The following MAST4 variants were observed in gnomAD, a reference collection of about 807,000 sequenced individuals.
MAST4 encodes microtubule associated serine/threonine kinase family member 4, also known as microtubule-associated serine/threonine-protein kinase 4.
Under a neutral mutation model 162.7 loss-of-function variants are expected in MAST4, and 89 were observed. That is an observed-to-expected ratio of 0.55 (90% CI 0.46 to 0.65). The LOEUF (loss-of-function observed/expected upper bound fraction) is 0.65. Among genes scored for constraint, MAST4 ranks in the 30% least tolerant of loss-of-function variants. The pLI is 0.00. For missense variants in MAST4, 3,153 were observed against 3,374.0 expected, an observed-to-expected ratio of 0.93 and a Z score of 1.62; for synonymous variants, 1,479 against 1,361.1, an observed-to-expected ratio of 1.09 and a Z score of -1.91.
chr5:66,868,255 A>G (rs1760670190), intron 3 of MAST4, among the ~76,000 whole-genome samples: 2 of 152,104 alleles, frequency 1.3e-5, no homozygotes, highest in Admixed American at 1.3e-4. Context: ...ATAGGGAAAG[A>G]AAAATATTTT....
intron 3 of MAST4, among the ~76,000 whole-genome samples, chr5:66,823,793 C>G (rs1435099314): frequency 6.6e-6 from 1 of 152,072 alleles, no homozygotes; most frequent in Non-Finnish European, 1.5e-5. Context: ...TGGTGCCCGG[C>G]CGGCCATTGT....
At chr5:66,839,134 A>G (rs1758241581) in intron 3 of MAST4, among the ~76,000 whole-genome samples, 1 of 152,144 alleles carries the variant, frequency 6.6e-6, no homozygotes, top group Admixed American at 6.6e-5. Context: ...ATGGTTGGCA[A>G]AAGAGAGATG....
At chr5:66,788,608 A>G (rs1415924420) in intron 2 of MAST4, 62 bp from the exon 3 acceptor site, 5 of 228,010 alleles carry the variant, frequency 2.2e-5, no homozygotes, top group Admixed American at 1.4e-4. Flanking sequence ...CCCCACCCCC[A>G]TTGCAATAAG....
chr5:67,081,809 A>G (rs546340744), intron 5 of MAST4, among the ~76,000 whole-genome samples: 2 of 152,348 alleles, frequency 1.3e-5, no homozygotes, highest in East Asian at 3.9e-4. Context: ...CCCAGACATT[A>G]TATGGAAAGC....
At chr5:67,020,372 C>T (rs1753818498) in intron 4 of MAST4, among the ~76,000 whole-genome samples, 1 of 152,190 alleles carries the variant, frequency 6.6e-6, no homozygotes, top group African/African-American at 2.4e-5. Context: ...ACATTATATC[C>T]TTCCAACAAT....
At chr5:66,953,510 C>A (rs962247079) in intron 4 of MAST4, among the ~76,000 whole-genome samples, 2 of 151,900 alleles carry the variant, frequency 1.3e-5, no homozygotes, top group African/African-American at 2.4e-5. Context: ...GGCATGGAGA[C>A]CCTGATAATT....
chr5:66,876,724 G>A lies in MAST4; in HGVS notation c.643-23227G>A, dbSNP rs548305858. Among the ~76,000 whole-genome samples the A allele has an allele frequency of 7.5e-4, 114 of 152,306 alleles. 1 individual carries two copies. Among genetic ancestry groups the A allele is most frequent in the Non-Finnish European group, 1.4e-3 (94 of 68,034 alleles). On this transcript the variant is annotated intron_variant, in intron 3 of 28. Transcript: ENST00000403625. ...ATGACCCAGCGGCCTCAATCCTAAA[G>A]AGGGCATGTTTGTATGAGGCGTGTA...
chr5:66,817,952 T>C (rs887849183), intron 3 of MAST4, among the ~76,000 whole-genome samples: 2 of 152,176 alleles, frequency 1.3e-5, no homozygotes, highest in African/African-American at 2.4e-5. Context: ...TTAAATCAAC[T>C]TCCAGAAGGA....
chr5:67,049,205 C>G (rs886629153), intron 4 of MAST4, among the ~76,000 whole-genome samples: 1 of 151,054 alleles, frequency 6.6e-6, no homozygotes, highest in African/African-American at 2.4e-5. Flanking sequence ...TTTCTAGTTT[C>G]TATATCTTTT....
chr5:66,828,824 C>T (rs768208536), intron 3 of MAST4: 32 of 1,604,878 alleles, frequency 2.0e-5, no homozygotes, highest in Non-Finnish European at 1.6e-5. Context: ...GTGAGAGGCT[C>T]AGAGAAAGCA....
intron 1 of MAST4, among the ~76,000 whole-genome samples, chr5:66,649,679 C>A (rs1561237505): frequency 1.3e-5 from 2 of 152,152 alleles, no homozygotes; most frequent in African/African-American, 2.4e-5. Context: ...AACACCCTGC[C>A]TTTGTTCTTT....
chr5:66,643,480 C>T (rs1745618168), intron 1 of MAST4, among the ~76,000 whole-genome samples: 1 of 152,120 alleles, frequency 6.6e-6, no homozygotes, highest in Middle Eastern at 3.2e-3. Flanking sequence ...CAGTTTAAAA[C>T]TGAAAGTAAA....
chr5:67,049,844 T>G (rs1221908785), intron 4 of MAST4, among the ~76,000 whole-genome samples: 1 of 152,210 alleles, frequency 6.6e-6, no homozygotes, highest in African/African-American at 2.4e-5. Flanking sequence ...AAGTTGGATT[T>G]CAGCTACTCA....
intron 1 of MAST4, among the ~76,000 whole-genome samples, chr5:66,758,548 C>G (rs1375996996): frequency 3.9e-5 from 6 of 152,034 alleles, no homozygotes; most frequent in African/African-American, 1.4e-4. Context: ...TCCCAAAATG[C>G]TAGGATTACT....
chr5:66,665,810 T>C (rs1210573154), intron 1 of MAST4, among the ~76,000 whole-genome samples: 1 of 152,236 alleles, frequency 6.6e-6, no homozygotes, highest in Non-Finnish European at 1.5e-5. Flanking sequence ...GGTATATTAG[T>C]ATCTATTCTA....
At chr5:66,654,550 G>A (rs1746428370) in intron 1 of MAST4, among the ~76,000 whole-genome samples, 1 of 152,182 alleles carries the variant, frequency 6.6e-6, no homozygotes, top group African/African-American at 2.4e-5. Context: ...GGTGCACAGA[G>A]GAGATAGGAG....
Position 67,144,684 on chromosome 5 carries a change from G to C in MAST4, c.2746G>C (p.Asp916His). The C allele has an allele frequency of 6.2e-7, 1 of 1,613,848 alleles. No individual in the cohort carries two copies. Among genetic ancestry groups the C allele is most frequent in the Non-Finnish European group, 8.5e-7 (1 of 1,179,804 alleles). ...HRFSKVFSSI[D>H]RITQNSAEEK... ...TGCCTTCCAGGTTTTCAGCAGTATA[G>C]ATCGAATCACTCAGAATTCAGCAGA... Residue 916 changes from aspartate (D) to histidine (H), a missense_variant, in exon 22 of 29, where the codon GAT becomes CAT. Transcript: ENST00000403625.
intron 14 of MAST4, among the ~76,000 whole-genome samples, chr5:67,125,802 G>C (rs751008798): frequency 2.0e-4 from 30 of 152,114 alleles, no homozygotes; most frequent in Admixed American, 2.0e-4. Flanking sequence ...GGTGTTTCTA[G>C]TTCTAGATCC....
chr5:66,928,528 A>G (rs575961373), intron 4 of MAST4, among the ~76,000 whole-genome samples: 18 of 152,264 alleles, frequency 1.2e-4, no homozygotes, highest in Middle Eastern at 3.4e-3. Context: ...TCAAAATCCA[A>G]ACAGTTCCAC....
Sources: allele counts gnomAD v4.1 joint callset (sites outside exome capture counted in the v4.1 genomes callset), GRCh38; gene constraint gnomAD v4.1.1; transcripts MANE v1.5; gene names NCBI Gene and HGNC (gene_info 2026-07-23, HGNC 2026-07-21).